NGEF: variants seen among roughly 807,000 people sequenced by gnomAD.
NGEF encodes the protein neuronal guanine nucleotide exchange factor.
A neutral mutation model predicts 80.9 loss-of-function variants in NGEF; 31 were observed. The ratio of observed to expected loss-of-function variants is 0.38; its 90% confidence interval spans 0.29 to 0.52. The LOEUF is 0.52. NGEF is among the 20% of genes least tolerant of loss of function. The probability of loss-of-function intolerance (pLI) is 0.84; values close to 1 mark genes in which losing one functional copy is unlikely to be tolerated. For synonymous variants in NGEF, 371 were observed against 370.2 expected (o/e 1.00, Z -0.03); for missense variants, 709 against 926.2 (o/e 0.77, Z 3.04).
At chr2:232,881,288 C>T (rs767586142) in intron 13 of NGEF, 38 bp from the exon 14 acceptor site, 3 of 1,514,484 alleles carry the variant, frequency 2.0e-6, no homozygotes, top group African/African-American at 2.7e-5. Flanking sequence ...CCCACCACCG[C>T]ACTACCCACC....
In NGEF at chr2:232,919,872, T is replaced by C. The variant is rs77444547; in HGVS notation, c.828+412A>G. ...ACAGCCCCAAAAGAAAGTGGTGGGATAAGATCGTGAATGCAAAGAGATATG... is the reference window on the plus strand; with the variant it reads ...ACAGCCCCAAAAGAAAGTGGTGGGACAAGATCGTGAATGCAAAGAGATATG... On this transcript the variant is annotated intron_variant, in intron 5 of 14. Transcript: ENST00000264051. 4.0e-3 allele frequency among the ~76,000 whole-genome samples: 608 copies of C among 152,254 alleles called. 5 individuals are homozygous for C. The highest frequency in any genetic ancestry group is 0.014 in the African/African-American group (587 of 41,530).
intron 3 of NGEF, chr2:232,928,246 CGGCGG>C: frequency 4.8e-6 from 4 of 828,294 alleles, no homozygotes; most frequent in Non-Finnish European, 4.3e-6. Context: ...GGCCGGGCGG[CGGCGG>C]GGCGGGGGCG....
At chr2:232,930,464 C>T (rs1693195480) in intron 3 of NGEF, among the ~76,000 whole-genome samples, 1 of 152,120 alleles carries the variant, frequency 6.6e-6, no homozygotes. Context: ...GGACTACAGG[C>T]ACCCGCCACC....
At chr2:232,895,161 C>A (rs1692017847) in intron 5 of NGEF, among the ~76,000 whole-genome samples, 1 of 152,144 alleles carries the variant, frequency 6.6e-6, no homozygotes. Context: ...GAGGCTACTC[C>A]CTGTGAGAGA....
At chr2:232,954,944 G>A (rs1282848629) in intron 3 of NGEF, among the ~76,000 whole-genome samples, 1 of 151,918 alleles carries the variant, frequency 6.6e-6, no homozygotes, top group Non-Finnish European at 1.5e-5. Context: ...AACAGGTCAC[G>A]CACGTTGGGG....
intron 3 of NGEF, among the ~76,000 whole-genome samples, chr2:232,960,445 C>T (rs568858086): frequency 1.6e-4 from 25 of 152,260 alleles, no homozygotes; most frequent in African/African-American, 4.1e-4. Context: ...CACCCTCCTT[C>T]TCATAGCCGT....
At chr2:232,953,450 C>T (rs1007290811) in intron 3 of NGEF, among the ~76,000 whole-genome samples, 1 of 147,492 alleles carries the variant, frequency 6.8e-6, no homozygotes, top group Non-Finnish European at 1.5e-5. Flanking sequence ...ACACAACCAA[C>T]ATGCTCAAAA....
chr2:232,885,469 G>A, intron 9 of NGEF, 100 bp from the exon 10 acceptor site: 1 of 918,452 alleles, frequency 1.1e-6, no homozygotes, highest in Non-Finnish European at 1.7e-6. Context: ...TGACCACCGT[G>A]ACCAGACACT....
At position 232,892,614 on chromosome 2, in the gene NGEF, G is replaced by A. The variant is rs1265030938; in HGVS notation, c.1142+284C>T. Among the ~76,000 whole-genome samples the A allele has an allele frequency of 6.6e-6, 1 of 152,162 alleles. No individual in the cohort carries two copies. The highest frequency in any genetic ancestry group is 1.5e-5 in the Non-Finnish European group (1 of 68,038). ...TCAAGCTCTCTTTTCTAACTGCACA[G>A]TGCTCTGCTCAGCCATTGGATCCAG... On this transcript the variant is annotated intron_variant, in intron 7 of 14. Transcript: ENST00000264051. This position sits in a 1 kb window ranked among gnomAD's most constrained non-coding sequence, Gnocchi z 4.0.
chr2:232,976,805 G>A (rs1270364363), intron 1 of NGEF, among the ~76,000 whole-genome samples: 1 of 152,226 alleles, frequency 6.6e-6, no homozygotes, highest in Non-Finnish European at 1.5e-5. Context: ...CCCCACCACG[G>A]TCGTCTGGGG....
At chr2:232,985,613 C>A (rs1694517149) in intron 1 of NGEF, among the ~76,000 whole-genome samples, 1 of 151,998 alleles carries the variant, frequency 6.6e-6, no homozygotes. Flanking sequence ...ATTAGCTGGG[C>A]TTGGCGGCGG....
intron 6 of NGEF, among the ~76,000 whole-genome samples, chr2:232,893,540 G>A (rs1272055470): frequency 3.3e-5 from 5 of 152,186 alleles, no homozygotes; most frequent in South Asian, 2.1e-4. Context: ...TTGGGAGGCC[G>A]AGGCGGGCGG....
chr2:232,908,586 C>T (rs769830165), intron 5 of NGEF, among the ~76,000 whole-genome samples: 8 of 151,688 alleles, frequency 5.3e-5, no homozygotes, highest in Middle Eastern at 3.4e-3. Flanking sequence ...TTTATTTTTG[C>T]GGAGATAGGG....
intron 8 of NGEF, among the ~76,000 whole-genome samples, chr2:232,888,582 C>T (rs2106223893): frequency 6.6e-6 from 1 of 152,350 alleles, no homozygotes; most frequent in South Asian, 2.1e-4. Flanking sequence ...CATGCACGCA[C>T]ACACATACAC....
At chr2:232,962,493 G>A (rs1178556425) in intron 3 of NGEF, among the ~76,000 whole-genome samples, 1 of 151,918 alleles carries the variant, frequency 6.6e-6, no homozygotes, top group East Asian at 1.9e-4. Context: ...AGGTTGAAGG[G>A]GGCCGAGATG....
chr2:232,933,705 T>G (rs1019356755), intron 3 of NGEF, among the ~76,000 whole-genome samples: 8 of 152,154 alleles, frequency 5.3e-5, no homozygotes, highest in African/African-American at 1.9e-4. Flanking sequence ...TCTGCACAGT[T>G]CTCCAGGTTC....
intron 10 of NGEF, 57 bp from the exon 11 acceptor site, chr2:232,884,201 A>G (rs1443506232): frequency 6.0e-6 from 9 of 1,491,014 alleles, no homozygotes; most frequent in Middle Eastern, 2.0e-4. Context: ...TCCCCAGGAC[A>G]TGCCCCCAGG....
chr2:232,936,222 T>C (rs573030211), intron 3 of NGEF, among the ~76,000 whole-genome samples: 1 of 152,186 alleles, frequency 6.6e-6, no homozygotes, highest in Non-Finnish European at 1.5e-5. Flanking sequence ...CTGGAAGTAT[T>C]TTACCGGTGA....
intron 9 of NGEF, 28 bp from the exon 10 acceptor site, chr2:232,885,397 C>T: frequency 5.0e-6 from 8 of 1,598,760 alleles, no homozygotes; most frequent in Non-Finnish European, 6.9e-6. Context: ...GCACATCAGG[C>T]CACCAAAGCC....
Sources: gnomAD v4.1 joint callset for allele counts (sites outside exome capture counted in the v4.1 genomes callset) on GRCh38, gnomAD v4.1.1 for gene constraint, Gnocchi (gnomAD v3.1) non-coding constraint, MANE v1.5 for transcripts, NCBI Gene and HGNC (gene_info 2026-07-23, HGNC 2026-07-21) for gene names.